Variants in ABLIM1 observed in about 807,000 individuals in gnomAD.
ABLIM1 encodes the protein actin binding LIM protein 1.
In ABLIM1, 40 loss-of-function variants were observed where a neutral mutation model predicts 107.0. That is an observed-to-expected ratio of 0.37 (90% CI 0.29 to 0.49). The LOEUF (loss-of-function observed/expected upper bound fraction) is 0.49. Ranked by LOEUF, ABLIM1 falls within the 20% of genes least tolerant of loss-of-function variation. The pLI, the probability that ABLIM1 is intolerant of heterozygous loss-of-function variation, is 0.97. For synonymous variants in ABLIM1, 357 were observed against 357.3 expected (o/e 1.00, Z 0.01); for missense variants, 857 against 1,008.5 (o/e 0.85, Z 2.04).
At chr10:114,545,127 G>A in intron 5 of ABLIM1, 29 bp from the exon 6 acceptor site, 2 of 1,607,230 alleles carry the variant, frequency 1.2e-6, no homozygotes, top group South Asian at 1.1e-5. Context: ...TTCGGCTCCT[G>A]AGGAGGTGGC....
chr10:114,717,623 A>G (rs2081700973), intron 1 of ABLIM1, among the ~76,000 whole-genome samples: 2 of 152,154 alleles, frequency 1.3e-5, no homozygotes, highest in South Asian at 2.1e-4. Flanking sequence ...ACTCATTGAA[A>G]TAGATGATCA....
chr10:114,800,324 G>T, the ABLIM1 span, among the ~76,000 whole-genome samples: 7 of 152,102 alleles, frequency 4.6e-5, no homozygotes. Context: ...ATAAAAGTAA[G>T]AATTCTCTCT....
intron 1 of ABLIM1, among the ~76,000 whole-genome samples, chr10:114,729,998 G>A (rs886162784): frequency 5.9e-5 from 9 of 152,088 alleles, no homozygotes; most frequent in Non-Finnish European, 1.2e-4. Context: ...CATACAAACG[G>A]TTGTATTTCT....
chr10:114,796,659 C>T, the ABLIM1 span, among the ~76,000 whole-genome samples: 1,637 of 152,308 alleles, frequency 0.011, 28 homozygotes, highest in African/African-American at 0.038. Flanking sequence ...CACTCTCTGA[C>T]CCCAGTTTCC....
rs116282657 is a variant in ABLIM1, at chr10:114,509,454, A to G, written c.895-17576T>C. On this transcript the variant is annotated intron_variant, in intron 6 of 22. Transcript: ENST00000533213. ...CCTTCCTCCCGTGCTGTTCTTCCCA[A>G]TCCTTTGAGGTTCCTCTGCCTCGGG... 7.8e-3 allele frequency among the ~76,000 whole-genome samples: 1,185 copies of G among 151,978 alleles called. 23 individuals are homozygous for G. Among genetic ancestry groups the G allele is most frequent in the African/African-American group, 0.027 (1,126 of 41,410 alleles).
chr10:114,612,052 C>A (rs1445820435), intron 1 of ABLIM1, among the ~76,000 whole-genome samples: 1 of 152,140 alleles, frequency 6.6e-6, no homozygotes, highest in Non-Finnish European at 1.5e-5. Context: ...GCCCGACCTT[C>A]TAGGGTGGTA....
chr10:114,658,304 T>C, upstream of ABLIM1: 6 of 1,507,428 alleles, frequency 4.0e-6, no homozygotes, highest in Non-Finnish European at 5.3e-6. Flanking sequence ...TGTCTCCTTT[T>C]CTCACTGCCC....
chr10:114,448,510 G>A (rs576134971), intron 14 of ABLIM1, among the ~76,000 whole-genome samples: 30 of 152,246 alleles, frequency 2.0e-4, no homozygotes, highest in African/African-American at 7.0e-4. Context: ...AAAGCATGAC[G>A]CTATCACTTG....
intron 6 of ABLIM1, among the ~76,000 whole-genome samples, chr10:114,498,426 G>A (rs568857861): frequency 6.6e-6 from 1 of 152,304 alleles, no homozygotes; most frequent in South Asian, 2.1e-4. Context: ...CTGAGCCCAT[G>A]TAATATGCTC....
At chr10:114,462,542 C>T (rs892303667) in intron 12 of ABLIM1, among the ~76,000 whole-genome samples, 6 of 152,106 alleles carry the variant, frequency 3.9e-5, no homozygotes, top group East Asian at 3.9e-4. Flanking sequence ...CTCTGAGAGT[C>T]GGCTCAAAGA....
intron 6 of ABLIM1, among the ~76,000 whole-genome samples, chr10:114,532,383 C>G (rs1297399823): frequency 1.3e-5 from 2 of 152,216 alleles, no homozygotes; most frequent in Non-Finnish European, 2.9e-5. Flanking sequence ...GACTAGCTGG[C>G]AAACTACAAG....
intron 2 of ABLIM1, among the ~76,000 whole-genome samples, chr10:114,592,545 T>C (rs2075001427): frequency 6.6e-6 from 1 of 152,090 alleles, no homozygotes; most frequent in Non-Finnish European, 1.5e-5. Context: ...CTAAGGATCA[T>C]CTTAGCTGTT....
intron 1 of ABLIM1, among the ~76,000 whole-genome samples, chr10:114,753,591 C>CT (rs200408728): frequency 0.032 from 4,930 of 151,978 alleles, 99 homozygotes; most frequent in Middle Eastern, 0.048. Context: ...GGCAAAGCAG[C>CT]TTTTTTTTCT....
intron 1 of ABLIM1, among the ~76,000 whole-genome samples, chr10:114,696,250 T>C (rs2081191116): frequency 6.6e-6 from 1 of 152,210 alleles, no homozygotes; most frequent in Admixed American, 6.5e-5. Flanking sequence ...AAAAATGCTA[T>C]ATTAGTTGCT....
At chr10:114,784,484 G>A in the ABLIM1 span, among the ~76,000 whole-genome samples, 1 of 151,580 alleles carries the variant, frequency 6.6e-6, no homozygotes, top group African/African-American at 2.4e-5. Flanking sequence ...GGTCAACATG[G>A]TGAAATCCCA....
chr10:114,708,011 G>C (rs1309305626), intron 1 of ABLIM1, among the ~76,000 whole-genome samples: 1 of 152,178 alleles, frequency 6.6e-6, no homozygotes, highest in Non-Finnish European at 1.5e-5. Context: ...AGCCTGTCCT[G>C]GTGGCAGGTC....
intron 1 of ABLIM1, among the ~76,000 whole-genome samples, chr10:114,679,921 G>C (rs1300632565): frequency 6.6e-6 from 1 of 152,128 alleles, no homozygotes; most frequent in Non-Finnish European, 1.5e-5. Flanking sequence ...ACAGCTAATA[G>C]TTGTTATCCC....
intron 2 of ABLIM1, among the ~76,000 whole-genome samples, chr10:114,598,292 A>G (rs889424633): frequency 1.3e-5 from 2 of 151,274 alleles, no homozygotes; most frequent in African/African-American, 4.9e-5. Context: ...AAAAAAAAAA[A>G]AAAGGAAATG....
intron 6 of ABLIM1, among the ~76,000 whole-genome samples, chr10:114,517,152 G>A (rs1391126946): frequency 6.6e-6 from 1 of 152,188 alleles, no homozygotes; most frequent in Non-Finnish European, 1.5e-5. Flanking sequence ...GAGTTGAACT[G>A]TGGTCCCCCA....
Sources: gnomAD v4.1 joint callset for allele counts (sites outside exome capture counted in the v4.1 genomes callset) on GRCh38, gnomAD v4.1.1 for gene constraint, MANE v1.5 for transcripts, NCBI Gene and HGNC (gene_info 2026-07-23, HGNC 2026-07-21) for gene names.